SLC15A2: variants seen among roughly 807,000 people sequenced by gnomAD.
SLC15A2 encodes the protein kidney H(+)/peptide cotransporter.
SLC15A2 carries 77 observed loss-of-function variants against 95.5 expected under a neutral mutation model. The observed-to-expected ratio is 0.81, with a 90% CI of 0.67 to 0.97. The LOEUF is 0.97. SLC15A2 is among the 50% of genes least tolerant of loss of function. The pLI is 0.00. For missense variants in SLC15A2, 893 were observed against 874.4 expected (o/e 1.02, Z -0.27); for synonymous variants, 306 against 306.9 (o/e 1.00, Z 0.03).
rs143175663 is a variant in SLC15A2, at chr3:121,931,140, C to T, written c.1664+190C>T. 4.0e-3 allele frequency among the ~76,000 whole-genome samples: 613 copies of T among 152,306 alleles called. 3 individuals carry two copies. Among genetic ancestry groups the T allele is most frequent in the African/African-American group, 0.014 (583 of 41,560 alleles). The stretch of plus-strand genomic sequence containing the variant: ...TTTCTGCACAGATATGTTGAGATCA[C>T]GATTGCCGTGAAGACCACACTATAT... On this transcript the variant is annotated intron_variant, in intron 18 of 21. Transcript: ENST00000489711.
intron 19 of SLC15A2, among the ~76,000 whole-genome samples, chr3:121,934,727 C>T (rs1398796558): frequency 6.6e-6 from 1 of 152,162 alleles, no homozygotes; most frequent in Non-Finnish European, 1.5e-5. Flanking sequence ...AATTTGACTT[C>T]CTCTTTTCCT....
In SLC15A2 at chr3:121,943,590, G is replaced by T. The variant is rs180751034; in HGVS notation, c.*2583G>T. The T allele has an allele frequency of 8.5e-5, 13 of 152,332 alleles. No homozygotes were observed. The highest frequency in any genetic ancestry group is 5.9e-4 in the Admixed American group (9 of 15,302). 9.4% of individuals were successfully genotyped at this position (152,332 alleles called of 1,614,324 possible). On this transcript the variant is annotated 3_prime_UTR_variant, in exon 22 of 22. Coordinates refer to ENST00000489711, the MANE Select transcript of SLC15A2 (RefSeq NM_021082.4). The stretch of plus-strand genomic sequence containing the variant: ...CTTCAAACAATGCACTTCTGTTAAT[G>T]CAGTGTAAGGTAACATGAGTTGTTT...
At chr3:121,923,320 T>A in intron 11 of SLC15A2, 54 bp downstream of exon 11, 4 of 1,544,674 alleles carry the variant, frequency 2.6e-6, no homozygotes, top group Admixed American at 1.8e-5. Flanking sequence ...TCATCCATAT[T>A]GGGGAAAAAT....
chr3:121,908,893 C>T (rs941837481), intron 3 of SLC15A2, among the ~76,000 whole-genome samples: 7 of 152,028 alleles, frequency 4.6e-5, no homozygotes, highest in Non-Finnish European at 7.4e-5. Flanking sequence ...CACTTTGGGG[C>T]CAGATGTAGC....
intron 19 of SLC15A2, among the ~76,000 whole-genome samples, chr3:121,932,044 G>A (rs944584147): frequency 3.3e-5 from 5 of 152,006 alleles, no homozygotes; most frequent in Non-Finnish European, 7.4e-5. Context: ...GGGATTACAG[G>A]CACCCACCAC....
rs968668342 is a variant in SLC15A2, at chr3:121,940,992, G to A, written c.2175G>A (p.Lys725=). 5.0e-6 allele frequency: 8 copies of A among 1,613,420 alleles called. No individual in the cohort carries two copies. The highest frequency in any genetic ancestry group is 3.4e-6 in the Non-Finnish European group (4 of 1,179,750). ...IQGNMIKLET[K]KTKL is the part of the protein sequence containing the mutation. ...GGAACATGATCAAACTAGAGACCAAGAAGACAAAACTCTGATGACTCCCTA... is the reference window on the plus strand; with the variant it reads ...GGAACATGATCAAACTAGAGACCAAAAAGACAAAACTCTGATGACTCCCTA... The change falls in exon 22 of 22, where the codon AAG becomes AAA. Residue 725 remains lysine, a synonymous_variant. Transcript: ENST00000489711.
intron 3 of SLC15A2, among the ~76,000 whole-genome samples, chr3:121,903,930 T>G (rs1576670419): frequency 6.6e-6 from 1 of 152,334 alleles, no homozygotes; most frequent in Non-Finnish European, 1.5e-5. Flanking sequence ...AATCTATAAA[T>G]TACCTTGGGC....
chr3:121,916,308 T>G (rs1709893105), intron 7 of SLC15A2, among the ~76,000 whole-genome samples: 1 of 152,180 alleles, frequency 6.6e-6, no homozygotes, highest in African/African-American at 2.4e-5. Context: ...AGAAGAGGGA[T>G]GTGGTGTTCC....
In SLC15A2 at chr3:121,929,429, T is replaced by A. The variant is rs907899751; in HGVS notation, c.1553+81T>A. 2.7e-6 allele frequency: 4 copies of A among 1,457,718 alleles called. No individual in the cohort carries two copies. The Admixed American group carries it at 6.9e-5, about 25-fold the overall frequency. The allele number at this position is 1,457,718 out of a possible 1,614,324, so 90.3% of individuals were successfully genotyped here. On this transcript the variant is annotated intron_variant, in intron 17 of 21. Coordinates refer to ENST00000489711, the MANE Select transcript of SLC15A2 (RefSeq NM_021082.4). Reference sequence around the variant, plus strand: ...TCTAATCTTTGGGGCTGCATTCTACTTGTTCTGAACAGGAATTCCCTCTCG... The same window carrying A: ...TCTAATCTTTGGGGCTGCATTCTACATGTTCTGAACAGGAATTCCCTCTCG...
chr3:121,902,054 G>C (rs1709531086), intron 3 of SLC15A2, among the ~76,000 whole-genome samples: 1 of 152,204 alleles, frequency 6.6e-6, no homozygotes, highest in Non-Finnish European at 1.5e-5. Flanking sequence ...CAGAGTCCCT[G>C]ACTCTTGTTT....
chr3:121,896,603 G>T, intron 2 of SLC15A2, 110 bp downstream of exon 2: 2 of 862,730 alleles, frequency 2.3e-6, no homozygotes, highest in Middle Eastern at 2.2e-4. Context: ...CACTCTTTCT[G>T]CCTTGGTCCA....
At chr3:121,914,748 T>TA (rs1178101357) in intron 5 of SLC15A2, among the ~76,000 whole-genome samples, 1 of 150,272 alleles carries the variant, frequency 6.7e-6, no homozygotes, top group Non-Finnish European at 1.5e-5. Context: ...AACAGACACT[T>TA]ACGGGAGGCA....
chr3:121,939,061 C>T, intron 19 of SLC15A2: 1 of 255,644 alleles, frequency 3.9e-6, no homozygotes, highest in Non-Finnish European at 7.3e-6. Flanking sequence ...TGTCCAGGAT[C>T]AAAATGCCTG....
At chr3:121,924,306 C>A (rs200099795) in intron 11 of SLC15A2, 45 bp from the exon 12 acceptor site, 8 of 1,548,822 alleles carry the variant, frequency 5.2e-6, no homozygotes, top group Middle Eastern at 1.7e-4. Context: ...ATTTTTTTTT[C>A]TTTTCTTCAG....
At chr3:121,930,261 G>T (rs1005053200) in intron 17 of SLC15A2, among the ~76,000 whole-genome samples, 2 of 152,104 alleles carry the variant, frequency 1.3e-5, no homozygotes, top group African/African-American at 4.8e-5. Context: ...GGACAATCTA[G>T]GTGCCAGGTT....
At chr3:121,899,499 T>G (rs960173678) in intron 3 of SLC15A2, among the ~76,000 whole-genome samples, 4 of 152,164 alleles carry the variant, frequency 2.6e-5, no homozygotes, top group Non-Finnish European at 4.4e-5. Context: ...TCATCTTGAC[T>G]CTCTTTTCCT....
chr3:121,926,563 A>C (rs558804524), intron 13 of SLC15A2, among the ~76,000 whole-genome samples: 3 of 152,338 alleles, frequency 2.0e-5, no homozygotes, highest in African/African-American at 7.2e-5. Flanking sequence ...AGGCTGTATG[A>C]GAAAGTGTGG....
intron 19 of SLC15A2, among the ~76,000 whole-genome samples, chr3:121,933,988 C>T (rs1710286412): frequency 6.6e-6 from 1 of 151,702 alleles, no homozygotes; most frequent in Middle Eastern, 3.2e-3. Context: ...TATGGCCAGC[C>T]AGTTTTCCCA....
At chr3:121,931,554 G>C (rs551428141) in intron 18 of SLC15A2, 85 bp from the exon 19 acceptor site, 16 of 792,182 alleles carry the variant, frequency 2.0e-5, no homozygotes, top group Non-Finnish European at 3.3e-5. Context: ...ACCATCAGTA[G>C]AGAGATGAGA....
Sources: gnomAD v4.1 joint callset for allele counts (sites outside exome capture counted in the v4.1 genomes callset) on GRCh38, gnomAD v4.1.1 for gene constraint, MANE v1.5 for transcripts, NCBI Gene and HGNC (gene_info 2026-07-23, HGNC 2026-07-21) for gene names.